The following DNAH11 variants were observed in gnomAD, a reference collection of about 807,000 sequenced individuals.
The protein encoded by DNAH11 is dynein axonemal heavy chain 11.
In DNAH11, 442 loss-of-function variants were observed where a neutral mutation model predicts 526.0. The observed-to-expected ratio is 0.84, with a 90% confidence interval of 0.78 to 0.91. The LOEUF (loss-of-function observed/expected upper bound fraction) is 0.91, where lower values mean the gene tolerates loss of function less well. Ranked by LOEUF, DNAH11 falls within the 40% of genes least tolerant of loss-of-function variation. DNAH11 has a pLI of 0.00. For missense variants in DNAH11, 6,989 were observed against 5,448.7 expected (o/e 1.28, Z -8.90); for synonymous variants, 2,461 against 1,935.9 (o/e 1.27, Z -7.12).
intron 61 of DNAH11, among the ~76,000 whole-genome samples, chr7:21,800,738 G>T (rs150038079): frequency 6.6e-6 from 1 of 152,186 alleles, no homozygotes; most frequent in East Asian, 1.9e-4. Context: ...AAAAGAATCC[G>T]TGGGTGGAGA....
intron 18 of DNAH11, among the ~76,000 whole-genome samples, chr7:21,603,201 T>A (rs1379877713): frequency 3.9e-5 from 6 of 152,244 alleles, no homozygotes; most frequent in Admixed American, 3.9e-4. Context: ...TATAATGTTT[T>A]CCAGGTTCAT....
chr7:21,588,437 A>T (rs1344867277), intron 10 of DNAH11, 75 bp from the exon 11 acceptor site: 2 of 1,555,394 alleles, frequency 1.3e-6, no homozygotes, highest in African/African-American at 2.8e-5. Context: ...CAAAATGAAA[A>T]ATTGCTTACA....
chr7:21,601,633 G>A lies in DNAH11; in HGVS notation c.3648+15G>A, dbSNP rs749007449. 1.1e-5 allele frequency: 17 copies of A among 1,511,790 alleles called. No individual in the cohort carries two copies. The highest frequency in any genetic ancestry group is 1.2e-5 in the Non-Finnish European group (14 of 1,124,834). The allele number at this position is 1,511,790 out of a possible 1,614,324, so 93.6% of individuals were successfully genotyped here. A position where few individuals can be genotyped will look rare whatever the true frequency, so the allele number is the denominator to read the frequency against. Reference sequence around the variant, plus strand: ...TTCAGCTAGAGGTAAGTGCAGAGGTGAAATAATCATAATTACCATAAATTG... The same window carrying A: ...TTCAGCTAGAGGTAAGTGCAGAGGTAAAATAATCATAATTACCATAAATTG... On this transcript the variant is annotated intron_variant, in intron 18 of 81. Coordinates refer to ENST00000409508, the MANE Select transcript of DNAH11 (RefSeq NM_001277115.2).
In DNAH11 at chr7:21,571,320, AC is replaced by A. The variant is rs1178477104; in HGVS notation, c.1426-482del. 7.2e-5 allele frequency among the ~76,000 whole-genome samples: 11 copies of A among 152,230 alleles called. No individual in the cohort carries two copies. The South Asian group carries it at 1.2e-3, about 17-fold the overall frequency. Reference sequence around the variant, plus strand: ...TTTAGAGACAGGGTCTCATTCTGTCACCCCGGCTGAAGTGCAGTGGTGTGAA... The same window carrying A: ...TTTAGAGACAGGGTCTCATTCTGTCACCCGGCTGAAGTGCAGTGGTGTGAA... On this transcript the variant is annotated intron_variant, in intron 7 of 81. Coordinates refer to ENST00000409508, the MANE Select transcript of DNAH11 (RefSeq NM_001277115.2).
At position 21,827,814 on chromosome 7, in the gene DNAH11, A is replaced by G. The variant is rs567333354; in HGVS notation, c.10691+9475A>G. On this transcript the variant is annotated intron_variant, in intron 65 of 81. Coordinates refer to ENST00000409508, the MANE Select transcript of DNAH11 (RefSeq NM_001277115.2). ...TGTTTCTGTTCTTGGAGTTGACGCC[A>G]TGCAATTATAGTTGACTGTAGATCT... 1.6e-4 allele frequency among the ~76,000 whole-genome samples: 24 copies of G among 152,320 alleles called. 2 individuals carry two copies. Among genetic ancestry groups the G allele is most frequent in the South Asian group, 1.4e-3 (7 of 4,830 alleles).
At chr7:21,842,292 G>A (rs1308266744) in intron 65 of DNAH11, among the ~76,000 whole-genome samples, 2 of 152,128 alleles carry the variant, frequency 1.3e-5, no homozygotes, top group African/African-American at 4.8e-5. Context: ...GTATTTAATT[G>A]TTACAGTGAC....
intron 81 of DNAH11, 73 bp from the exon 82 acceptor site, chr7:21,900,934 C>G (rs1047187291): frequency 2.9e-6 from 4 of 1,386,890 alleles, no homozygotes; most frequent in African/African-American, 1.9e-5. Context: ...TTTATTGCAT[C>G]AAACAACTTA....
At chr7:21,683,497 CA>C (rs1175302996) in intron 31 of DNAH11, among the ~76,000 whole-genome samples, 2 of 149,470 alleles carry the variant, frequency 1.3e-5, no homozygotes, top group African/African-American at 5.0e-5. Context: ...TATAAAGTTA[CA>C]AGATTTATCT....
At chr7:21,694,709 A>T (rs137863423) in intron 35 of DNAH11, among the ~76,000 whole-genome samples, 1,879 of 152,322 alleles carry the variant, frequency 0.012, 39 homozygotes, top group African/African-American at 0.043. Context: ...CCTTGGATAT[A>T]TGCCCAGTAA....
intron 65 of DNAH11, among the ~76,000 whole-genome samples, chr7:21,819,777 A>T (rs1258523145): frequency 1.3e-5 from 2 of 152,220 alleles, no homozygotes; most frequent in African/African-American, 4.8e-5. Flanking sequence ...TGAGGATTCT[A>T]GAGGTCTTCA....
rs541554284 is a variant in DNAH11 at position 21,817,380 on chromosome 7, C to G, written c.10568+678C>G. Among the ~76,000 whole-genome samples, 3 of 152,072 alleles carry G rather than the reference C, an allele frequency of 2.0e-5. No homozygotes were observed. In the East Asian group the frequency reaches 5.8e-4, roughly 29 times the overall value. Reference sequence around the variant, plus strand: ...GAAATAAGAAATTTCTGTAGTTATACAAGTAAATGTAGTTCTTAGGCCAGG... The same window carrying G: ...GAAATAAGAAATTTCTGTAGTTATAGAAGTAAATGTAGTTCTTAGGCCAGG... On this transcript the variant is annotated intron_variant, in intron 64 of 81. Transcript: ENST00000409508.
chr7:21,681,379 A>G (rs1321133725), intron 30 of DNAH11, among the ~76,000 whole-genome samples, 167 bp from the exon 31 acceptor site: 1 of 152,078 alleles, frequency 6.6e-6, no homozygotes, highest in Non-Finnish European at 1.5e-5. Context: ...GTGAGCAGAG[A>G]TCATGCCACT....
chr7:21,680,777 A>T (rs1482279840), intron 30 of DNAH11, among the ~76,000 whole-genome samples: 1 of 152,348 alleles, frequency 6.6e-6, no homozygotes, highest in East Asian at 1.9e-4. Context: ...TTAATTTTAA[A>T]TATTTTTTCA....
At chr7:21,812,124 A>G (rs1789551643) in intron 63 of DNAH11, among the ~76,000 whole-genome samples, 1 of 152,194 alleles carries the variant, frequency 6.6e-6, no homozygotes, top group Non-Finnish European at 1.5e-5. Flanking sequence ...TCAAGGCCAG[A>G]GAGTGGAATC....
chr7:21,704,462 A>T lies in DNAH11; in HGVS notation c.6302A>T (p.Asn2101Ile). 1.2e-5 allele frequency: 19 copies of T among 1,613,688 alleles called. No homozygotes were observed. Among genetic ancestry groups the T allele is most frequent in the Non-Finnish European group, 1.6e-5 (19 of 1,179,770 alleles). The stretch of plus-strand genomic sequence containing the variant: ...CTCATGAGAGCATTAAGGGATTTCA[A>T]TATGCCCAAAATAGTGACTGACGAC... ...QVLMRALRDF[N>I]MPKIVTDDIP... The change falls in exon 38 of 82, where the codon AAT becomes ATT. Residue 2101 changes from asparagine (N) to isoleucine (I), a missense_variant. Transcript: ENST00000409508.
chr7:21,634,611 T>C, intron 25 of DNAH11, among the ~76,000 whole-genome samples: 1 of 152,128 alleles, frequency 6.6e-6, no homozygotes, highest in Non-Finnish European at 1.5e-5. Context: ...AGCTAAACAT[T>C]GAGTCCCCTT....
Position 21,710,533 on chromosome 7 carries a change from TCAACTAC to T in DNAH11, c.6684-19_6684-13del, listed in dbSNP as rs1784420676. 1 of 1,570,102 alleles carries T rather than the reference TCAACTAC, an allele frequency of 6.4e-7. No homozygotes were observed. The highest frequency in any genetic ancestry group is 8.7e-7 in the Non-Finnish European group (1 of 1,153,828). ...AATCTATCGTAGAAATAAACAGCAC[TCAACTAC>T]ATTATATATTAGGATTGTTTACTCT... On this transcript the variant is annotated splice_polypyrimidine_tract_variant and intron_variant, in intron 40 of 81. Transcript: ENST00000409508.
rs1375726591 is a variant in DNAH11 at position 21,571,917 on chromosome 7, G to T, written c.1537G>T (p.Glu513Ter). ...QVHEMSEELMELCKLFKQSTY... is the reference protein window; with the variant it reads ...QVHEMSEELM ...CCACGAGATGAGTGAAGAACTTATG[G>T]AACTCTGTAAACTTTTTAAACAGAG... Residue 513 changes from glutamate (E) to a stop codon, truncating the protein, a stop_gained, in exon 8 of 82, where the codon GAA becomes TAA. Transcript: ENST00000409508. LOFTEE classifies it high-confidence loss of function. 6.2e-7 allele frequency: 1 copy of T among 1,611,496 alleles called. No individual in the cohort carries two copies. Among genetic ancestry groups the T allele is most frequent in the Non-Finnish European group, 8.5e-7 (1 of 1,178,936 alleles).
At chr7:21,876,684 C>G (rs963092902) in intron 74 of DNAH11, among the ~76,000 whole-genome samples, 2 of 152,190 alleles carry the variant, frequency 1.3e-5, no homozygotes, top group African/African-American at 2.4e-5. Context: ...TTTTCACGGT[C>G]CCAGGTGGCT....
Sources: gnomAD v4.1 joint callset for allele counts (sites outside exome capture counted in the v4.1 genomes callset) on GRCh38, gnomAD v4.1.1 for gene constraint, MANE v1.5 for transcripts, NCBI Gene and HGNC (gene_info 2026-07-23, HGNC 2026-07-21) for gene names.